MBP: variants seen among roughly 807,000 people sequenced by gnomAD.
MBP encodes the protein Golli-MBP.
MBP carries 16 observed loss-of-function variants against 35.8 expected under a neutral mutation model. The ratio of observed to expected loss-of-function variants is 0.45; its 90% CI spans 0.30 to 0.68. MBP has a LOEUF of 0.68. Among genes scored for constraint, MBP ranks in the 30% least tolerant of loss-of-function variants. The probability of loss-of-function intolerance (pLI) is 0.08; values close to 1 mark genes in which losing one functional copy is unlikely to be tolerated. For missense variants in MBP, 380 were observed against 404.7 expected (o/e 0.94, Z 0.52); for synonymous variants, 143 against 159.6 (o/e 0.90, Z 0.78).
intron 2 of MBP, 145 bp downstream of exon 2, chr18:77,105,066 T>C (rs1976217809): frequency 5.1e-6 from 2 of 395,316 alleles, no homozygotes; most frequent in East Asian, 4.1e-5. Context: ...TTATTAATAA[T>C]AATTAACAAG....
rs549825712 is a variant in MBP, at chr18:77,013,766, G to A, written c.576+3066C>T. ...ACGGCACGGAGAAGTGGGGTACTGG[G>A]ATGTCCTGGCTGCTTTCTGCTTTGG... On this transcript the variant is annotated intron_variant, in intron 4 of 8. Coordinates refer to ENST00000355994, the MANE Select transcript of MBP (RefSeq NM_001025101.2). 221 of 985,464 alleles carry A rather than the reference G, an allele frequency of 2.2e-4. No individual in the cohort carries two copies. In the African/African-American group the frequency reaches 3.7e-3, roughly 16 times the overall value. The allele number at this position is 985,464 out of a possible 1,614,324, so 61.0% of individuals were successfully genotyped here.
Position 77,066,856 on chromosome 18 carries a change from C to T in MBP, c.52-471G>A, listed in dbSNP as rs148829620. Among the ~76,000 whole-genome samples the T allele has an allele frequency of 2.5e-4, 38 of 152,290 alleles. No homozygotes were observed. In the East Asian group the frequency reaches 5.8e-3, roughly 23 times the overall value. On this transcript the variant is annotated intron_variant, in intron 2 of 8. Transcript: ENST00000355994. ...AGGGACAGAAAACGAAGCTGATGTCCGGAGGCACTTTTGCATTCCAGGGGA... is the reference window on the plus strand; with the variant it reads ...AGGGACAGAAAACGAAGCTGATGTCTGGAGGCACTTTTGCATTCCAGGGGA...
intron 3 of MBP, among the ~76,000 whole-genome samples, chr18:77,037,684 C>T (rs1333110977): frequency 1.3e-5 from 2 of 152,202 alleles, no homozygotes; most frequent in Non-Finnish European, 2.9e-5. Context: ...CTCTTCCATC[C>T]TCTGGCTTGC....
At chr18:77,038,314 AC>A (rs981268445) in intron 3 of MBP, among the ~76,000 whole-genome samples, 1 of 152,246 alleles carries the variant, frequency 6.6e-6, no homozygotes, top group Non-Finnish European at 1.5e-5. Context: ...AGGACTGGCC[AC>A]AGTGTGAACT....
intron 8 of MBP, 52 bp from the exon 9 acceptor site, chr18:76,980,523 C>T: frequency 7.2e-7 from 1 of 1,390,196 alleles, no homozygotes; most frequent in Non-Finnish European, 1.0e-6. Context: ...GGTCCTCCCA[C>T]ACCAGCATCC....
chr18:77,039,323 T>C (rs1218359401), intron 3 of MBP, among the ~76,000 whole-genome samples: 1 of 152,224 alleles, frequency 6.6e-6, no homozygotes, highest in African/African-American at 2.4e-5. Flanking sequence ...CCTGATGGGA[T>C]AGAGTGCTGA....
At chr18:76,997,763 A>G (rs1486275547) in intron 4 of MBP, among the ~76,000 whole-genome samples, 18 of 151,018 alleles carry the variant, frequency 1.2e-4, no homozygotes, top group South Asian at 2.1e-4. Flanking sequence ...GCTCACTGCA[A>G]GCTCCGCCTC....
chr18:77,009,936 G>A lies in MBP; in HGVS notation c.576+6896C>T, dbSNP rs750460095. On this transcript the variant is annotated intron_variant, in intron 4 of 8. Transcript: ENST00000355994. ...GCTTTAGCCAGGGTACCTGCCGGGG[G>A]ACACAGAGTGGGCTGCGTGAGTCCG... The A allele has an allele frequency of 7.0e-6, 11 of 1,571,434 alleles. No homozygotes were observed. The African/African-American group carries it at 1.3e-4, about 19-fold the overall frequency.
chr18:77,014,972 C>T, intron 4 of MBP: 9 of 984,684 alleles, frequency 9.1e-6, no homozygotes, highest in Non-Finnish European at 1.1e-5. Context: ...TTTTATGGGT[C>T]CTTGATAATT....
rs1279954460 is a variant in MBP at position 77,118,614 on chromosome 18, A to C, written c.-25-13328T>G. On this transcript the variant is annotated intron_variant, in intron 1 of 8. Coordinates refer to ENST00000355994, the MANE Select transcript of MBP (RefSeq NM_001025101.2). Reference sequence around the variant, plus strand: ...CCCACACACACACTCCACAGACACCACACACACACACACACACACACACAC... The same window carrying C: ...CCCACACACACACTCCACAGACACCCCACACACACACACACACACACACAC... Among the ~76,000 whole-genome samples the C allele has an allele frequency of 5.3e-4, 65 of 123,672 alleles. 1 individual carries two copies. The East Asian group carries it at 0.024, about 46-fold the overall frequency. 81.1% of individuals were successfully genotyped at this position (123,672 alleles called of 152,430 possible).
chr18:77,035,318 C>T (rs949142759), intron 3 of MBP, among the ~76,000 whole-genome samples: 9 of 152,216 alleles, frequency 5.9e-5, no homozygotes, highest in African/African-American at 1.4e-4. Context: ...CACCACTGTA[C>T]GCCCTTTGGA....
At position 77,020,299 on chromosome 18, in the gene MBP, A is replaced by G. The variant is rs1339813182; in HGVS notation, c.140-3031T>C. Among the ~76,000 whole-genome samples, 1 of 152,096 alleles carries G rather than the reference A, an allele frequency of 6.6e-6. No homozygotes were observed. The highest frequency in any genetic ancestry group is 1.5e-5 in the Non-Finnish European group (1 of 68,010). On this transcript the variant is annotated intron_variant, in intron 3 of 8. Transcript: ENST00000355994. This position sits in a 1 kb window ranked among gnomAD's most constrained non-coding sequence, Gnocchi z 4.1. The stretch of plus-strand genomic sequence containing the variant: ...CAGGTGGCCTGGTTGGGGAAGGTGT[A>G]GACAGGGAACCAGCGAACAGTTGAG...
chr18:77,016,187 T>G (rs1288136923), intron 4 of MBP: 34 of 983,542 alleles, frequency 3.5e-5, no homozygotes, highest in Non-Finnish European at 4.1e-5. Context: ...TTATCCACAT[T>G]TGCTTTTGAA....
rs73486875 is a variant in MBP at position 77,057,155 on chromosome 18, A to G, written c.139+9143T>C. On this transcript the variant is annotated intron_variant, in intron 3 of 8. Transcript: ENST00000355994. ...TAACATTCACTTCAACGCACAGAGGAGAAGTAACTGTTACAGTGTTTGTTT... is the reference window on the plus strand; with the variant it reads ...TAACATTCACTTCAACGCACAGAGGGGAAGTAACTGTTACAGTGTTTGTTT... 4.6e-3 allele frequency among the ~76,000 whole-genome samples: 698 copies of G among 152,296 alleles called. 10 individuals are homozygous for G. Among genetic ancestry groups the G allele is most frequent in the African/African-American group, 0.016 (655 of 41,568 alleles).
intron 1 of MBP, among the ~76,000 whole-genome samples, chr18:77,107,143 A>G (rs888312016): frequency 6.6e-6 from 1 of 152,236 alleles, no homozygotes; most frequent in African/African-American, 2.4e-5. Context: ...GAATAAAAAC[A>G]TGTCAAATAT....
chr18:77,052,526 T>C (rs147225780), intron 3 of MBP, among the ~76,000 whole-genome samples: 10 of 152,356 alleles, frequency 6.6e-5, no homozygotes, highest in African/African-American at 2.4e-4. Flanking sequence ...GTGGCTGTGA[T>C]GACCCTAAGT....
At chr18:77,015,711 T>C (rs1971587942) in intron 4 of MBP, 1 of 985,344 alleles carries the variant, frequency 1.0e-6, no homozygotes, top group African/African-American at 1.7e-5. Flanking sequence ...TTTGTGTTTC[T>C]CTTCAACAAT....
At chr18:77,014,029 A>C (rs1032276460) in intron 4 of MBP, 20 of 985,278 alleles carry the variant, frequency 2.0e-5, no homozygotes, top group Non-Finnish European at 2.4e-5. Flanking sequence ...CCCATTCCTC[A>C]TGTGACCCTG....
chr18:77,130,718 T>TG (rs1477837359), intron 1 of MBP, among the ~76,000 whole-genome samples: 2 of 151,348 alleles, frequency 1.3e-5, no homozygotes, highest in African/African-American at 4.9e-5. Flanking sequence ...CAGCGTTTCG[T>TG]GGCTACCTTT....
Sources: gnomAD v4.1 joint callset for allele counts (sites outside exome capture counted in the v4.1 genomes callset) on GRCh38, gnomAD v4.1.1 for gene constraint, Gnocchi (gnomAD v3.1) non-coding constraint, MANE v1.5 for transcripts, NCBI Gene and HGNC (gene_info 2026-07-23, HGNC 2026-07-21) for gene names.